The following ARIH1 variants were observed in gnomAD, a reference collection of about 807,000 sequenced individuals.
The protein encoded by ARIH1 is ariadne RBR E3 ubiquitin protein ligase 1, also known as E3 ubiquitin-protein ligase ARIH1.
ARIH1 carries 8 observed loss-of-function variants against 85.0 expected under a neutral mutation model. The observed-to-expected ratio is 0.09, with a 90% confidence interval of 0.06 to 0.17. The LOEUF (loss-of-function observed/expected upper bound fraction) is 0.17, where lower values mean the gene tolerates loss of function less well. Among genes scored for constraint, ARIH1 ranks in the 10% least tolerant of loss-of-function variants. ARIH1 has a pLI of 1.00. For synonymous variants in ARIH1, 238 were observed against 253.6 expected, an observed-to-expected ratio of 0.94 and a Z score of 0.59; for missense variants, 311 against 718.1, an observed-to-expected ratio of 0.43 and a Z score of 6.48.
chr15:72,575,549 T>C (rs1595874203), intron 11 of ARIH1, among the ~76,000 whole-genome samples: 2 of 56,370 alleles, frequency 3.5e-5, no homozygotes, highest in African/African-American at 7.9e-5. Context: ...AGACCCTGTC[T>C]CCAAAAAAAA....
intron 1 of ARIH1, among the ~76,000 whole-genome samples, chr15:72,508,698 T>TC (rs1270217930): frequency 6.7e-6 from 1 of 149,972 alleles, no homozygotes; most frequent in African/African-American, 2.4e-5. Context: ...TTTCTTTCTT[T>TC]TTTTTTTTTT....
chr15:72,536,424 C>T (rs540943224), intron 2 of ARIH1, among the ~76,000 whole-genome samples: 3 of 152,144 alleles, frequency 2.0e-5, no homozygotes, highest in Admixed American at 1.3e-4. Context: ...TTTTATTTAC[C>T]TGCATAGTTT....
At chr15:72,567,245 A>G (rs2064224786) in intron 9 of ARIH1, 68 bp downstream of exon 9, 1 of 1,296,556 alleles carries the variant, frequency 7.7e-7, no homozygotes, top group African/African-American at 1.5e-5. Context: ...GCATTAGCAA[A>G]AGCAATGAGG....
At chr15:72,524,106 C>T (rs2064014701) in intron 2 of ARIH1, among the ~76,000 whole-genome samples, 1 of 151,894 alleles carries the variant, frequency 6.6e-6, no homozygotes. Context: ...GCCACCATGC[C>T]TGGCGAATTT....
At chr15:72,528,928 T>C (rs1051510223) in intron 2 of ARIH1, among the ~76,000 whole-genome samples, 7 of 151,950 alleles carry the variant, frequency 4.6e-5, no homozygotes, top group East Asian at 1.9e-4. Context: ...CGGCTGGGTG[T>C]GGTGGCTCAT....
intron 2 of ARIH1, among the ~76,000 whole-genome samples, chr15:72,538,275 A>C (rs1043604277): frequency 6.6e-6 from 1 of 152,138 alleles, no homozygotes; most frequent in East Asian, 1.9e-4. Context: ...GAGGCACAAG[A>C]AATGTTTGAA....
intron 1 of ARIH1, among the ~76,000 whole-genome samples, chr15:72,497,423 G>T (rs997126318): frequency 6.6e-5 from 10 of 151,248 alleles, no homozygotes; most frequent in Non-Finnish European, 1.2e-4. Context: ...CAGTTTACTT[G>T]CTAAATGATA....
intron 1 of ARIH1, among the ~76,000 whole-genome samples, chr15:72,515,801 A>G (rs1164066482): frequency 1.3e-5 from 2 of 152,156 alleles, no homozygotes. Flanking sequence ...TGTTCCATAT[A>G]TATATAGATA....
chr15:72,490,041 G>A (rs1260635245), intron 1 of ARIH1, among the ~76,000 whole-genome samples: 1 of 152,008 alleles, frequency 6.6e-6, no homozygotes, highest in Non-Finnish European at 1.5e-5. Context: ...TTGTAGCCTT[G>A]TGAATGTAAT....
At position 72,503,743 on chromosome 15, in the gene ARIH1, G is replaced by T. The variant is rs28687667; in HGVS notation, c.376-14324G>T. ...TTTTCTTGACCCCTTCTTTGGACTT[G>T]TGATGGAGGTGCCCCATTTACTCTG... On this transcript the variant is annotated intron_variant, in intron 1 of 13. Transcript: ENST00000379887. Among the ~76,000 whole-genome samples the T allele has an allele frequency of 4.5e-3, 688 of 152,304 alleles. 5 individuals are homozygous for T. The highest frequency in any genetic ancestry group is 0.016 in the African/African-American group (658 of 41,564).
In ARIH1 at chr15:72,572,269, G is replaced by A. The variant is rs374815137; in HGVS notation, c.1215+104G>A. ...TTTTTTTTTTTTGAGACAGTGTCTC[G>A]CTTTGTCGCCCAGGCTGGAGTATAG... On this transcript the variant is annotated intron_variant, in intron 11 of 13. Coordinates refer to ENST00000379887, the MANE Select transcript of ARIH1 (RefSeq NM_005744.5). 2.8e-4 allele frequency: 222 copies of A among 793,704 alleles called. No homozygotes were observed. The African/African-American group carries it at 3.3e-3, about 12-fold the overall frequency. The allele number at this position is 793,704 out of a possible 1,614,324, so 49.2% of individuals were successfully genotyped here.
At position 72,592,849 on chromosome 15, in the gene ARIH1, A is replaced by G. The variant is rs1453847070; in HGVS notation, c.*9557A>G. 1 of 152,210 alleles carries G rather than the reference A, an allele frequency of 6.6e-6. No individual in the cohort carries two copies. The highest frequency in any genetic ancestry group is 1.5e-5 in the Non-Finnish European group (1 of 68,032). 9.4% of individuals were successfully genotyped at this position (152,210 alleles called of 1,614,324 possible). ...AGGTTGTTTCCAGTTTGGGGCAATT[A>G]TGAATAAGGATGCTATCGATATTCT... On this transcript the variant is annotated 3_prime_UTR_variant, in exon 14 of 14. Coordinates refer to ENST00000379887, the MANE Select transcript of ARIH1 (RefSeq NM_005744.5).
rs59841210 is a variant in ARIH1, at chr15:72,534,959, C to CTTTTTTTTTTTTTTTTTTTTTTTT, written c.444-9850_444-9849insTTTTTTTTTTTTTTTTTTTTTTTT. ...CCTATGTCTTCTTATTGTCTGTATT[C>CTTTTTTTTTTTTTTTTTTTTTTTT]TTTTTTTTTTTGAGACGGAGTCTCG... On this transcript the variant is annotated intron_variant, in intron 2 of 13. Coordinates refer to ENST00000379887, the MANE Select transcript of ARIH1 (RefSeq NM_005744.5). 4.2e-4 allele frequency among the ~76,000 whole-genome samples: 31 copies of CTTTTTTTTTTTTTTTTTTTTTTTT among 73,908 alleles called. 11 individuals are homozygous for CTTTTTTTTTTTTTTTTTTTTTTTT. The highest frequency in any genetic ancestry group is 1.0e-3 in the Non-Finnish European group (29 of 28,458). The allele number at this position is 73,908 out of a possible 152,430, so 48.5% of individuals were successfully genotyped here.
chr15:72,526,366 A>AT (rs2064028354), intron 2 of ARIH1, among the ~76,000 whole-genome samples: 2 of 152,198 alleles, frequency 1.3e-5, no homozygotes, highest in African/African-American at 4.8e-5. Flanking sequence ...TGTTTGCCCC[A>AT]TGCCTCTTAG....
Position 72,572,214 on chromosome 15 carries a change from A to G in ARIH1, c.1215+49A>G, listed in dbSNP as rs368407984. 6.7e-5 allele frequency: 80 copies of G among 1,195,594 alleles called. No homozygotes were observed. The African/African-American group carries it at 1.1e-3, about 17-fold the overall frequency. 74.1% of individuals were successfully genotyped at this position (1,195,594 alleles called of 1,614,324 possible). A position where few individuals can be genotyped will look rare whatever the true frequency, so the allele number is the denominator to read the frequency against. On this transcript the variant is annotated intron_variant, in intron 11 of 13. Coordinates refer to ENST00000379887, the MANE Select transcript of ARIH1 (RefSeq NM_005744.5). The stretch of plus-strand genomic sequence containing the variant: ...ATAGTTGACTAAGAATGCACGTTGT[A>G]TATTCATATTCATTAGAGAATAATT...
chr15:72,482,261 G>C (rs1215719925), intron 1 of ARIH1, among the ~76,000 whole-genome samples: 1 of 152,042 alleles, frequency 6.6e-6, no homozygotes, highest in Non-Finnish European at 1.5e-5. Flanking sequence ...TTAGTATGCT[G>C]GAAGAGATAT....
chr15:72,581,912 G>A (rs2064296735), intron 12 of ARIH1, 163 bp from the exon 13 acceptor site: 2 of 474,450 alleles, frequency 4.2e-6, no homozygotes, highest in South Asian at 8.4e-5. Context: ...GAACAAACAA[G>A]TTATTAGAGA....
intron 2 of ARIH1, among the ~76,000 whole-genome samples, chr15:72,535,899 T>G (rs1177395098): frequency 3.3e-5 from 5 of 152,202 alleles, no homozygotes; most frequent in Admixed American, 6.5e-5. Flanking sequence ...TAGTCTCTTT[T>G]GAAAAAGTAA....
intron 3 of ARIH1, among the ~76,000 whole-genome samples, chr15:72,549,567 C>T (rs1312929498): frequency 6.6e-6 from 1 of 152,076 alleles, no homozygotes; most frequent in South Asian, 2.1e-4. Flanking sequence ...TACGTCCCAC[C>T]CTATTTTCCT....
Sources: gnomAD v4.1 joint callset for allele counts (sites outside exome capture counted in the v4.1 genomes callset) on GRCh38, gnomAD v4.1.1 for gene constraint, MANE v1.5 for transcripts, NCBI Gene and HGNC (gene_info 2026-07-23, HGNC 2026-07-21) for gene names.